The following GPATCH2 variants were observed in gnomAD, a reference collection of about 807,000 sequenced individuals.
The protein encoded by GPATCH2 is G-patch domain containing 2, also known as G patch domain-containing protein 2.
A neutral mutation model predicts 58.0 loss-of-function variants in GPATCH2; 51 were observed. The observed-to-expected ratio is 0.88, with a 90% CI of 0.70 to 1.11. The LOEUF (loss-of-function observed/expected upper bound fraction) is 1.11. GPATCH2 is among the 50% of genes most tolerant of loss of function. The pLI is 0.00. For missense variants in GPATCH2, 625 were observed against 652.2 expected (o/e 0.96, Z 0.45); for synonymous variants, 222 against 218.5 (o/e 1.02, Z -0.14).
chr1:217,443,290 T>C (rs867807137), intron 9 of GPATCH2, among the ~76,000 whole-genome samples: 1 of 152,212 alleles, frequency 6.6e-6, no homozygotes, highest in Non-Finnish European at 1.5e-5. Context: ...CACTCTTGGG[T>C]AATAATTTAG....
At chr1:217,603,940 A>C (rs1668234924) in intron 5 of GPATCH2, among the ~76,000 whole-genome samples, 1 of 152,152 alleles carries the variant, frequency 6.6e-6, no homozygotes, top group Non-Finnish European at 1.5e-5. Context: ...GAGAATTTTG[A>C]ATCAAAGAGA....
chr1:217,489,997 G>A (rs1292306361), intron 8 of GPATCH2, among the ~76,000 whole-genome samples: 2 of 152,124 alleles, frequency 1.3e-5, no homozygotes, highest in Non-Finnish European at 2.9e-5. Flanking sequence ...CAGTATATTG[G>A]CTCGTTATTC....
intron 5 of GPATCH2, among the ~76,000 whole-genome samples, chr1:217,529,088 C>T (rs552866552): frequency 1.3e-5 from 2 of 152,176 alleles, no homozygotes; most frequent in East Asian, 1.9e-4. Flanking sequence ...TATAATTACC[C>T]CCAGGACACA....
At chr1:217,598,112 G>A (rs1008463214) in intron 5 of GPATCH2, among the ~76,000 whole-genome samples, 24 of 152,174 alleles carry the variant, frequency 1.6e-4, no homozygotes, top group Non-Finnish European at 2.9e-4. Context: ...GTCGGTGGGC[G>A]CAGTGGCTCA....
At chr1:217,596,181 A>G (rs1667819662) in intron 5 of GPATCH2, among the ~76,000 whole-genome samples, 1 of 152,152 alleles carries the variant, frequency 6.6e-6, no homozygotes, top group Admixed American at 6.6e-5. Context: ...ACAGTTCAAA[A>G]GATTTAATTT....
chr1:217,576,394 T>C (rs1361721054), intron 5 of GPATCH2, among the ~76,000 whole-genome samples: 1 of 152,166 alleles, frequency 6.6e-6, no homozygotes, highest in East Asian at 1.9e-4. Flanking sequence ...GTAACAGTGA[T>C]AGCAAAAAGA....
intron 5 of GPATCH2, among the ~76,000 whole-genome samples, chr1:217,517,689 T>A (rs1475460204): frequency 1.3e-5 from 2 of 152,150 alleles, no homozygotes; most frequent in Non-Finnish European, 2.9e-5. Context: ...GATCAAAGTA[T>A]TAATTTCTAG....
At chr1:217,496,965 A>G (rs1662042234) in intron 7 of GPATCH2, among the ~76,000 whole-genome samples, 1 of 152,172 alleles carries the variant, frequency 6.6e-6, no homozygotes, top group African/African-American at 2.4e-5. Flanking sequence ...AAAAGATTTA[A>G]AAAGATAAAA....
chr1:217,455,446 A>G (rs909095206), intron 8 of GPATCH2, among the ~76,000 whole-genome samples: 7 of 151,950 alleles, frequency 4.6e-5, no homozygotes, highest in Admixed American at 3.9e-4. Flanking sequence ...CTGAGGCTCT[A>G]CCCCTTAGAT....
At chr1:217,443,418 T>A (rs265128) in intron 9 of GPATCH2, among the ~76,000 whole-genome samples, 36,079 of 152,048 alleles carry the variant, frequency 0.24, 5,647 homozygotes, top group African/African-American at 0.45. Flanking sequence ...ATTTCATTCT[T>A]ACGTAGGTTA....
chr1:217,551,843 T>C (rs374787996), intron 5 of GPATCH2, among the ~76,000 whole-genome samples: 2 of 152,154 alleles, frequency 1.3e-5, no homozygotes, highest in African/African-American at 2.4e-5. Context: ...GAAGGTCAAA[T>C]GGCATGATTG....
At chr1:217,544,766 C>T (rs984036443) in intron 5 of GPATCH2, among the ~76,000 whole-genome samples, 9 of 152,200 alleles carry the variant, frequency 5.9e-5, no homozygotes, top group African/African-American at 1.7e-4. Flanking sequence ...TGCCATCCCC[C>T]ACCTTAGCAA....
At chr1:217,591,027 T>C (rs911457420) in intron 5 of GPATCH2, among the ~76,000 whole-genome samples, 1 of 152,078 alleles carries the variant, frequency 6.6e-6, no homozygotes, top group African/African-American at 2.4e-5. Flanking sequence ...TTTTATTTTG[T>C]AAATCAAGGA....
chr1:217,542,960 A>G (rs1324828887), intron 5 of GPATCH2, among the ~76,000 whole-genome samples: 3 of 152,166 alleles, frequency 2.0e-5, no homozygotes, highest in African/African-American at 7.2e-5. Flanking sequence ...AGAGTAATCT[A>G]TCCCTGAGCT....
chr1:217,459,921 C>G (rs1660126649), intron 8 of GPATCH2, among the ~76,000 whole-genome samples: 2 of 152,038 alleles, frequency 1.3e-5, no homozygotes, highest in African/African-American at 4.8e-5. Context: ...TCTGAGGTAG[C>G]ATGTTAGGAC....
chr1:217,551,528 G>C (rs1009020492), intron 5 of GPATCH2, among the ~76,000 whole-genome samples: 1 of 152,052 alleles, frequency 6.6e-6, no homozygotes. Flanking sequence ...AATATTCAAA[G>C]AACCAAGACT....
intron 9 of GPATCH2, among the ~76,000 whole-genome samples, chr1:217,448,875 G>A (rs1387065524): frequency 6.6e-6 from 1 of 152,140 alleles, no homozygotes; most frequent in East Asian, 1.9e-4. Flanking sequence ...TGGGGCTGCG[G>A]CTATACTTTT....
rs1225499504 is a variant in GPATCH2, at chr1:217,431,269, C to T, written c.1463G>A (p.Arg488Gln). 9.4e-6 allele frequency: 15 copies of T among 1,604,270 alleles called. No individual in the cohort carries two copies. The highest frequency in any genetic ancestry group is 2.2e-5 in the East Asian group (1 of 44,854). The change falls in exon 10 of 10, where the codon CGA becomes CAA. Residue 488 changes from arginine to glutamine, a missense_variant. Coordinates refer to ENST00000366935, the MANE Select transcript of GPATCH2 (RefSeq NM_018040.5). ...MGWTPGSGLG[R>Q]DGKGISEPIQ... ...TGGCTCAGAGATCCCCTTGCCATCT[C>T]GTCCAAGGCCTGACCCAGGCGTCCA...
intron 6 of GPATCH2, among the ~76,000 whole-genome samples, chr1:217,511,841 T>TGTGTG (rs1558446027): frequency 7.6e-6 from 1 of 131,592 alleles, no homozygotes; most frequent in African/African-American, 2.7e-5. Flanking sequence ...GTGTGTGTGT[T>TGTGTG]TGTGTCTATA....
Sources: allele counts gnomAD v4.1 joint callset (sites outside exome capture counted in the v4.1 genomes callset), GRCh38; gene constraint gnomAD v4.1.1; transcripts MANE v1.5; gene names NCBI Gene and HGNC (gene_info 2026-07-23, HGNC 2026-07-21).